CAPRIN1: variants seen among roughly 807,000 people sequenced by gnomAD.
CAPRIN1 encodes cell cycle associated protein 1, also known as caprin-1.
Under a neutral mutation model 100.9 loss-of-function variants are expected in CAPRIN1, and 29 were observed. The observed-to-expected ratio is 0.29, with a 90% CI of 0.21 to 0.39. CAPRIN1 has a LOEUF of 0.39. CAPRIN1 is among the 10% of genes least tolerant of loss of function. The probability of loss-of-function intolerance (pLI) is 1.00; values close to 1 mark genes in which losing one functional copy is unlikely to be tolerated. For missense variants in CAPRIN1, 795 were observed against 876.7 expected (o/e 0.91, Z 1.18); for synonymous variants, 338 against 307.5 (o/e 1.10, Z -1.04).
intron 9 of CAPRIN1, among the ~76,000 whole-genome samples, chr11:34,084,232 T>A (rs935381492): frequency 8.6e-5 from 13 of 151,846 alleles, no homozygotes; most frequent in Non-Finnish European, 1.5e-4. Flanking sequence ...GGGATTACAG[T>A]CATGAGCCAC....
In CAPRIN1 at chr11:34,101,660, A is replaced by C. The variant is rs563336753; in HGVS notation, c.*2293A>C. Among the ~76,000 whole-genome samples the C allele has an allele frequency of 1.3e-5, 2 of 152,218 alleles. No individual in the cohort carries two copies. The highest frequency in any genetic ancestry group is 4.8e-5 in the African/African-American group (2 of 41,548). ...ATCACAGTTTAAATGTATATCTTTT[A>C]TGTCTCTACTCAGACCATATTTTTA... On this transcript the variant is annotated 3_prime_UTR_variant, in exon 19 of 19. Transcript: ENST00000341394.
chr11:34,090,426 C>A, intron 13 of CAPRIN1, 103 bp from the exon 14 acceptor site: 1 of 1,370,252 alleles, frequency 7.3e-7, no homozygotes, highest in Non-Finnish European at 1.0e-6. Flanking sequence ...TTTGTTAATA[C>A]ATATAAGTTT....
intron 11 of CAPRIN1, among the ~76,000 whole-genome samples, chr11:34,088,170 A>G (rs1173037176): frequency 6.6e-6 from 1 of 152,014 alleles, no homozygotes; most frequent in Non-Finnish European, 1.5e-5. Context: ...ACACCCAGCT[A>G]ATTTTTGTAT....
At chr11:34,063,447 T>C (rs1850623600) in intron 2 of CAPRIN1, 1 of 152,230 alleles carries the variant, frequency 6.6e-6, no homozygotes, top group Admixed American at 6.5e-5. Context: ...TTTAGCTACC[T>C]TTTAAATTTG....
At chr11:34,090,322 T>TGAGG in intron 13 of CAPRIN1, 33 bp downstream of exon 13, 1 of 1,418,208 alleles carries the variant, frequency 7.1e-7, no homozygotes, top group Non-Finnish European at 1.0e-6. Flanking sequence ...ATACATTTGA[T>TGAGG]GAGGCACTTA....
chr11:34,083,418 A>T (rs1851070905), intron 9 of CAPRIN1, among the ~76,000 whole-genome samples: 2 of 152,160 alleles, frequency 1.3e-5, no homozygotes, highest in Non-Finnish European at 2.9e-5. Context: ...ACCAGGCTGT[A>T]GACTTCCTCT....
intron 11 of CAPRIN1, among the ~76,000 whole-genome samples, chr11:34,087,843 A>G (rs1237370493): frequency 6.6e-6 from 1 of 152,020 alleles, no homozygotes; most frequent in Non-Finnish European, 1.5e-5. Context: ...AGTCCATTAG[A>G]CTCTCCAGTG....
rs1223023559 is a variant in CAPRIN1, at chr11:34,051,735, A to C, written c.-137A>C. On this transcript the variant is annotated 5_prime_UTR_variant, in exon 1 of 19. Transcript: ENST00000341394. Reference sequence around the variant, plus strand: ...TCCCGCTCCCGGCTCTCGCCTCACTAGGAGCGGCTCTCGGTGCAGCGGGAC... The same window carrying C: ...TCCCGCTCCCGGCTCTCGCCTCACTCGGAGCGGCTCTCGGTGCAGCGGGAC... 1 of 152,216 alleles carries C rather than the reference A, an allele frequency of 6.6e-6. No homozygotes were observed. The highest frequency in any genetic ancestry group is 1.5e-5 in the Non-Finnish European group (1 of 68,110). The allele number at this position is 152,216 out of a possible 1,614,324, so 9.4% of individuals were successfully genotyped here.
chr11:34,087,004 A>T (rs994531394), intron 11 of CAPRIN1, among the ~76,000 whole-genome samples: 8 of 152,234 alleles, frequency 5.3e-5, no homozygotes, highest in African/African-American at 1.9e-4. Context: ...GGCAAAGGGA[A>T]GAGAGAAACC....
At chr11:34,092,154 G>GT in intron 15 of CAPRIN1, 98 bp downstream of exon 15, 1 of 1,247,102 alleles carries the variant, frequency 8.0e-7, no homozygotes, top group Non-Finnish European at 1.1e-6. Context: ...GTGTCCAAGA[G>GT]TTTCTGTTTT....
chr11:34,090,461 A>G, intron 13 of CAPRIN1, 68 bp from the exon 14 acceptor site: 1 of 1,534,604 alleles, frequency 6.5e-7, no homozygotes, highest in African/African-American at 1.4e-5. Context: ...ACTTTAGTAC[A>G]TCTGTTCACT....
At chr11:34,088,037 C>T (rs765079851) in intron 11 of CAPRIN1, among the ~76,000 whole-genome samples, 4 of 152,162 alleles carry the variant, frequency 2.6e-5, no homozygotes, top group African/African-American at 7.2e-5. Context: ...CTCGCTCTAT[C>T]GCCAGGCTGG....
intron 9 of CAPRIN1, 110 bp downstream of exon 9, chr11:34,083,151 T>C (rs1851066452): frequency 2.7e-6 from 2 of 736,908 alleles, no homozygotes. Flanking sequence ...ACATTTATTA[T>C]AATAACAGAC....
At chr11:34,079,905 G>GTTTTTTGTTTTTTTTTTTTTT (rs1850980964) in intron 7 of CAPRIN1, 140 bp downstream of exon 7, 1 of 316,642 alleles carries the variant, frequency 3.2e-6, no homozygotes, top group African/African-American at 2.9e-5. Context: ...GCATGACAAA[G>GTTTTTTGTTTTTTTTTTTTTT]TTTTTTTTTT....
At chr11:34,098,455 A>G in intron 18 of CAPRIN1, 1 of 985,336 alleles carries the variant, frequency 1.0e-6, no homozygotes. Flanking sequence ...TAGAGCTAGC[A>G]TTTCATGTAG....
intron 6 of CAPRIN1, among the ~76,000 whole-genome samples, chr11:34,078,462 A>G (rs374945240): frequency 1.3e-5 from 2 of 152,092 alleles, no homozygotes; most frequent in South Asian, 2.1e-4. Context: ...AAATTCTGAT[A>G]GTTTTTGTTT....
At chr11:34,053,682 A>G (rs536710580) in intron 2 of CAPRIN1, 6 of 151,816 alleles carry the variant, frequency 4.0e-5, no homozygotes, top group South Asian at 2.1e-4. Flanking sequence ...GTATATCTTC[A>G]TCTGCAAGTC....
intron 11 of CAPRIN1, among the ~76,000 whole-genome samples, chr11:34,088,003 T>C (rs1352143401): frequency 6.6e-6 from 1 of 152,150 alleles, no homozygotes; most frequent in African/African-American, 2.4e-5. Context: ...ATATATTATT[T>C]ATTTGTTTAT....
intron 7 of CAPRIN1, 140 bp downstream of exon 7, chr11:34,079,905 G>GTTTTTTTTTTTT (rs377455073): frequency 6.3e-6 from 2 of 316,654 alleles, no homozygotes; most frequent in African/African-American, 5.8e-5. Flanking sequence ...GCATGACAAA[G>GTTTTTTTTTTTT]TTTTTTTTTT....
Sources: gnomAD v4.1 joint callset for allele counts (sites outside exome capture counted in the v4.1 genomes callset) on GRCh38, gnomAD v4.1.1 for gene constraint, MANE v1.5 for transcripts, NCBI Gene and HGNC (gene_info 2026-07-23, HGNC 2026-07-21) for gene names.